Variants in ZXDC observed in about 807,000 individuals in gnomAD.
ZXDC encodes the protein ZXD family zinc finger C.
ZXDC carries 58 observed loss-of-function variants against 63.6 expected under a neutral mutation model. The ratio of observed to expected loss-of-function variants is 0.91; its 90% CI spans 0.74 to 1.13. The LOEUF (loss-of-function observed/expected upper bound fraction) is 1.13, where lower values mean the gene tolerates loss of function less well. Among genes scored for constraint, ZXDC ranks in the 50% most tolerant of loss-of-function variants. ZXDC has a pLI of 0.00. For missense variants in ZXDC, 1,133 were observed against 1,148.9 expected (o/e 0.99, Z 0.20); for synonymous variants, 561 against 496.1 (o/e 1.13, Z -1.74).
chr3:126,459,568 A>G, intron 7 of ZXDC, 85 bp downstream of exon 7: 1 of 1,594,792 alleles, frequency 6.3e-7, no homozygotes, highest in Non-Finnish European at 8.6e-7. Context: ...GAGCACAGAA[A>G]CACCTGCTGT....
intron 7 of ZXDC, chr3:126,455,135 C>CA (rs932069387): frequency 2.0e-5 from 20 of 980,062 alleles, no homozygotes; most frequent in Admixed American, 6.2e-5. Context: ...ATGTTGAAAC[C>CA]AAAAAATCCC....
intron 8 of ZXDC, chr3:126,440,058 C>T: frequency 8.7e-7 from 1 of 1,147,232 alleles, no homozygotes; most frequent in Non-Finnish European, 1.1e-6. Context: ...CTGGCACGCC[C>T]TGTACCCCCA....
At chr3:126,457,692 G>C in intron 7 of ZXDC, 1 of 971,358 alleles carries the variant, frequency 1.0e-6, no homozygotes, top group Non-Finnish European at 1.2e-6. Context: ...GCGCTTTATA[G>C]ACATGTCCCA....
At chr3:126,440,790 C>G in intron 8 of ZXDC, 1 of 986,358 alleles carries the variant, frequency 1.0e-6, no homozygotes, top group East Asian at 1.1e-4. Flanking sequence ...CCCGCAGCCT[C>G]TTCCCTGCCC....
At chr3:126,451,474 T>A in intron 7 of ZXDC, 1 of 985,394 alleles carries the variant, frequency 1.0e-6, no homozygotes, top group Admixed American at 6.1e-5. Flanking sequence ...AAAATGTAAT[T>A]GTAAGACTGA....
intron 7 of ZXDC, chr3:126,450,164 G>A (rs190715495): frequency 2.7e-6 from 1 of 369,362 alleles, no homozygotes; most frequent in Admixed American, 3.5e-5. Flanking sequence ...CACAGGAAGT[G>A]TACAACAGGA....
chr3:126,454,195 T>A (rs1934219906), intron 7 of ZXDC: 1 of 982,404 alleles, frequency 1.0e-6, no homozygotes, highest in Non-Finnish European at 1.2e-6. Flanking sequence ...ATTTTAAATA[T>A]CTTTCATATG....
chr3:126,465,110 C>G (rs569052940), intron 5 of ZXDC, among the ~76,000 whole-genome samples: 2 of 152,232 alleles, frequency 1.3e-5, no homozygotes, highest in Non-Finnish European at 2.9e-5. Flanking sequence ...TGCTGCTGGT[C>G]ACACAGGAGA....
At chr3:126,445,581 C>A (rs1161231080) in intron 7 of ZXDC, among the ~76,000 whole-genome samples, 2 of 151,582 alleles carry the variant, frequency 1.3e-5, no homozygotes, top group African/African-American at 2.4e-5. Context: ...GTTGCAGCCT[C>A]CCCGTTTTTT....
chr3:126,456,768 A>AC (rs1934321647), intron 7 of ZXDC, among the ~76,000 whole-genome samples: 1 of 152,056 alleles, frequency 6.6e-6, no homozygotes, highest in African/African-American at 2.4e-5. Flanking sequence ...GGTCTTAGGG[A>AC]CCCCCAAGCC....
intron 4 of ZXDC, among the ~76,000 whole-genome samples, chr3:126,470,482 GAA>G (rs1295018797): frequency 2.0e-5 from 3 of 152,138 alleles, no homozygotes; most frequent in Non-Finnish European, 4.4e-5. Flanking sequence ...AACAAAAAAA[GAA>G]AAAGTCAGTC....
rs751610867 is a variant in ZXDC at position 126,470,979 on chromosome 3, C to T, written c.1186G>A (p.Gly396Arg). ...TGCTCTGCTCTGGTGAATGATTTCC[C>T]ACAGCCCTCGACAGGGCAGGTAAAC... Reference protein sequence around the residue: ...RRFTCPVEGCGKSFTRAEHLK... With the variant: ...RRFTCPVEGCRKSFTRAEHLK... The change falls in exon 4 of 10, where the codon GGG (glycine) becomes AGG (arginine). Residue 396 changes from glycine to arginine, a missense_variant. Transcript: ENST00000389709. 4.3e-6 allele frequency: 7 copies of T among 1,614,076 alleles called. No individual in the cohort carries two copies. The African/African-American group carries it at 6.7e-5, about 15-fold the overall frequency.
At chr3:126,445,803 C>A (rs1933863221) in intron 7 of ZXDC, among the ~76,000 whole-genome samples, 1 of 152,268 alleles carries the variant, frequency 6.6e-6, no homozygotes, top group Non-Finnish European at 1.5e-5. Context: ...CAGGCCTGAG[C>A]AGGGTGTTCT....
Position 126,475,290 on chromosome 3 carries a change from G to C in ZXDC, c.576C>G (p.Leu192=). The C allele has an allele frequency of 1.9e-6, 3 of 1,550,594 alleles. No homozygotes were observed. The highest frequency in any genetic ancestry group is 2.6e-6 in the Non-Finnish European group (3 of 1,147,054). Residue 192 remains leucine (L), a synonymous_variant, in exon 1 of 10, where the codon CTC becomes CTG. Transcript: ENST00000389709. ...CALAFAKKHQ[L]KVHLLTHGGG... Reference sequence around the variant, plus strand: ...CGCCGTGCGTGAGCAGGTGCACCTTGAGCTGGTGCTTCTTGGCGAAGGCCA... The same window carrying C: ...CGCCGTGCGTGAGCAGGTGCACCTTCAGCTGGTGCTTCTTGGCGAAGGCCA...
intron 7 of ZXDC, chr3:126,457,372 G>A (rs1934349480): frequency 1.0e-6 from 1 of 985,316 alleles, no homozygotes; most frequent in South Asian, 4.7e-5. Flanking sequence ...CATGGGCGCG[G>A]GAAGACACCA....
chr3:126,461,061 CT>C (rs2107647107), intron 6 of ZXDC: 1 of 985,188 alleles, frequency 1.0e-6, no homozygotes, highest in African/African-American at 1.7e-5. Context: ...CCTCCAAGAA[CT>C]AAGGCTCATA....
At chr3:126,471,943 T>C (rs1178231224) in intron 3 of ZXDC, 30 bp downstream of exon 3, 1 of 1,582,786 alleles carries the variant, frequency 6.3e-7, no homozygotes, top group Non-Finnish European at 8.6e-7. Context: ...TTTTCAAACC[T>C]GATAATGCAA....
chr3:126,466,053 C>T (rs1934744531), intron 5 of ZXDC, 102 bp downstream of exon 5: 9 of 1,399,976 alleles, frequency 6.4e-6, no homozygotes, highest in African/African-American at 2.9e-5. Flanking sequence ...AACCCCACTG[C>T]CTGACGCCTT....
intron 7 of ZXDC, chr3:126,443,402 C>T (rs1205293306): frequency 6.6e-6 from 1 of 152,216 alleles, no homozygotes; most frequent in East Asian, 1.9e-4. Context: ...CTTACTCACC[C>T]CTCCTTGAGG....
Sources: gnomAD v4.1 joint callset for allele counts (sites outside exome capture counted in the v4.1 genomes callset) on GRCh38, gnomAD v4.1.1 for gene constraint, MANE v1.5 for transcripts, NCBI Gene and HGNC (gene_info 2026-07-23, HGNC 2026-07-21) for gene names.